Variants in ANXA4 observed in about 807,000 individuals in gnomAD.
The protein encoded by ANXA4 is 35-beta calcimedin.
In ANXA4, 39 loss-of-function variants were observed where a neutral mutation model predicts 49.8. The observed-to-expected ratio is 0.78, with a 90% CI of 0.61 to 1.02. The LOEUF (loss-of-function observed/expected upper bound fraction) is 1.02, where lower values mean the gene tolerates loss of function less well. Ranked by LOEUF, ANXA4 falls within the 50% of genes least tolerant of loss-of-function variation. The pLI is 0.00. For synonymous variants in ANXA4, 134 were observed against 152.5 expected (o/e 0.88, Z 0.89); for missense variants, 360 against 410.1 (o/e 0.88, Z 1.05).
intron 8 of ANXA4, 40 bp downstream of exon 8, chr2:69,812,749 C>T (rs1444755863): frequency 6.3e-7 from 1 of 1,597,460 alleles, no homozygotes; most frequent in Non-Finnish European, 8.6e-7. Flanking sequence ...GCTTTCTTCT[C>T]TTTCGCCAAT....
chr2:69,768,144 A>G (rs1671570045), intron 1 of ANXA4, among the ~76,000 whole-genome samples: 1 of 152,238 alleles, frequency 6.6e-6, no homozygotes, highest in African/African-American at 2.4e-5. Flanking sequence ...GACCTGGGGT[A>G]CTATGCTTAA....
chr2:69,661,950 C>G (rs1396584441), intron 2 of ANXA4, among the ~76,000 whole-genome samples: 1 of 152,102 alleles, frequency 6.6e-6, no homozygotes, highest in Non-Finnish European at 1.5e-5. Flanking sequence ...ATGGGGACAC[C>G]AGATGTAGTC....
intron 2 of ANXA4, among the ~76,000 whole-genome samples, chr2:69,664,483 A>G (rs1039794941): frequency 5.3e-5 from 8 of 152,186 alleles, no homozygotes; most frequent in Admixed American, 5.2e-4. Flanking sequence ...TGCACTTACT[A>G]TGTGCCAGTC....
At chr2:69,775,710 T>G (rs930208569) in intron 1 of ANXA4, among the ~76,000 whole-genome samples, 2 of 152,312 alleles carry the variant, frequency 1.3e-5, no homozygotes, top group East Asian at 3.9e-4. Context: ...ATGCATCATA[T>G]GCAACATTAG....
chr2:69,763,545 C>G (rs748531860), intron 1 of ANXA4, among the ~76,000 whole-genome samples: 5 of 152,130 alleles, frequency 3.3e-5, no homozygotes, highest in Non-Finnish European at 5.9e-5. Context: ...AGCTTTATCA[C>G]TGACTCACTG....
chr2:69,705,656 G>T (rs143856878), intron 2 of ANXA4, among the ~76,000 whole-genome samples: 2 of 152,320 alleles, frequency 1.3e-5, no homozygotes, highest in African/African-American at 4.8e-5. Context: ...TTCTGGCTGG[G>T]AGTGGTGGCT....
chr2:69,648,824 A>T (rs1676106425), intron 1 of ANXA4, among the ~76,000 whole-genome samples: 1 of 132,100 alleles, frequency 7.6e-6, no homozygotes, highest in Non-Finnish European at 1.5e-5. Context: ...CAGTCTCAAA[A>T]AAAAAAAAAA....
chr2:69,782,678 A>G (rs1672249475), intron 2 of ANXA4, among the ~76,000 whole-genome samples: 3 of 152,146 alleles, frequency 2.0e-5, no homozygotes, highest in Non-Finnish European at 4.4e-5. Context: ...TTTATTCAGA[A>G]ATGCTTATGG....
At chr2:69,655,799 CTAGA>C (rs1208790269) in intron 2 of ANXA4, among the ~76,000 whole-genome samples, 3 of 152,034 alleles carry the variant, frequency 2.0e-5, no homozygotes, top group Non-Finnish European at 2.9e-5. Flanking sequence ...CAGTGATAGA[CTAGA>C]TAAAGAAAAT....
At chr2:69,715,256 C>A (rs1033400650) in intron 2 of ANXA4, among the ~76,000 whole-genome samples, 1 of 152,180 alleles carries the variant, frequency 6.6e-6, no homozygotes, top group Non-Finnish European at 1.5e-5. Flanking sequence ...GTCACCCAGG[C>A]TGGAGTGCAG....
chr2:69,665,352 G>A (rs1676896173), intron 2 of ANXA4, among the ~76,000 whole-genome samples: 1 of 152,122 alleles, frequency 6.6e-6, no homozygotes, highest in African/African-American at 2.4e-5. Flanking sequence ...GAATGATTCT[G>A]AGGCCCTCAA....
intron 8 of ANXA4, among the ~76,000 whole-genome samples, chr2:69,813,348 A>G (rs896609802): frequency 6.6e-6 from 1 of 151,970 alleles, no homozygotes; most frequent in Non-Finnish European, 1.5e-5. Flanking sequence ...TCCTGGGTTC[A>G]AGTGATTCTG....
In ANXA4 at chr2:69,810,688, C is replaced by T. The variant is rs1175198738; in HGVS notation, c.477+15C>T. 6.2e-7 allele frequency: 1 copy of T among 1,608,498 alleles called. No homozygotes were observed. Among genetic ancestry groups the T allele is most frequent in the Admixed American group, 1.7e-5 (1 of 60,012 alleles). The stretch of plus-strand genomic sequence containing the variant: ...CTCTGTCAGCTGTGAGTGACTGCTT[C>T]TGATGGGGGGCGGGTTTTATCGAAA... On this transcript the variant is annotated intron_variant, in intron 7 of 12. Coordinates refer to ENST00000394295, the MANE Select transcript of ANXA4 (RefSeq NM_001153.5).
At chr2:69,698,965 T>C (rs1255128781) in intron 2 of ANXA4, among the ~76,000 whole-genome samples, 4 of 152,132 alleles carry the variant, frequency 2.6e-5, no homozygotes, top group Admixed American at 1.3e-4. Context: ...GCAGGAAAAG[T>C]GGAACAAGAG....
At chr2:69,673,836 T>C (rs1677293264) in intron 2 of ANXA4, among the ~76,000 whole-genome samples, 1 of 152,040 alleles carries the variant, frequency 6.6e-6, no homozygotes, top group African/African-American at 2.4e-5. Context: ...AACAGGACTG[T>C]GGGCTGGGAG....
chr2:69,733,989 T>C (rs1028949531), intron 3 of ANXA4, among the ~76,000 whole-genome samples: 6 of 152,028 alleles, frequency 3.9e-5, no homozygotes, highest in African/African-American at 1.5e-4. Flanking sequence ...ACTGAATCAA[T>C]GAGCTAATTC....
At chr2:69,684,253 C>T (rs974451586) in intron 2 of ANXA4, among the ~76,000 whole-genome samples, 2 of 152,218 alleles carry the variant, frequency 1.3e-5, no homozygotes, top group Non-Finnish European at 1.5e-5. Flanking sequence ...TGTCACAACT[C>T]ATGAAAGGAA....
chr2:69,686,573 C>T lies in ANXA4; in HGVS notation n.766+33291C>T, dbSNP rs186173486. Among the ~76,000 whole-genome samples, 993 of 152,302 alleles carry T rather than the reference C, an allele frequency of 6.5e-3. 11 individuals carry two copies. Among genetic ancestry groups the T allele is most frequent in the Non-Finnish European group, 6.5e-3 (445 of 68,030 alleles). The stretch of plus-strand genomic sequence containing the variant: ...GCTCAAGCGCTCCTCCCACCTCAGC[C>T]TCTTGGATAGCTGAGACCACAGACG... On this transcript the variant is annotated intron_variant and non_coding_transcript_variant, in intron 2 of 3. Coordinates refer to the ANXA4 transcript ENST00000418066.
chr2:69,729,356 A>C (rs1670039787), intron 3 of ANXA4, among the ~76,000 whole-genome samples: 2 of 152,254 alleles, frequency 1.3e-5, no homozygotes, highest in South Asian at 2.1e-4. Flanking sequence ...GGTCTTATAC[A>C]ACTTCCATTG....
Sources: allele counts gnomAD v4.1 joint callset (sites outside exome capture counted in the v4.1 genomes callset), GRCh38; gene constraint gnomAD v4.1.1; transcripts MANE v1.5; gene names NCBI Gene and HGNC (gene_info 2026-07-23, HGNC 2026-07-21).